The following MFHAS1 variants were observed in gnomAD, a reference collection of about 807,000 sequenced individuals.
The protein encoded by MFHAS1 is multifunctional ROCO family signaling regulator 1, also known as malignant fibrous histiocytoma-amplified sequence 1.
A neutral mutation model predicts 70.4 loss-of-function variants in MFHAS1; 50 were observed. The observed-to-expected ratio is 0.71, with a 90% CI of 0.57 to 0.90. The LOEUF (loss-of-function observed/expected upper bound fraction) is 0.90. Among genes scored for constraint, MFHAS1 ranks in the 40% least tolerant of loss-of-function variants. The pLI is 0.00. For missense variants in MFHAS1, 1,795 were observed against 1,347.6 expected (o/e 1.33, Z -5.20); for synonymous variants, 952 against 620.0 (o/e 1.54, Z -7.96).
chr8:8,875,254 C>T (rs1809246002), intron 1 of MFHAS1, among the ~76,000 whole-genome samples: 1 of 152,066 alleles, frequency 6.6e-6, no homozygotes, highest in Non-Finnish European at 1.5e-5. Context: ...TAAAGAAATA[C>T]AGTCATCAGA....
intron 1 of MFHAS1, among the ~76,000 whole-genome samples, chr8:8,856,794 T>G (rs1186185530): frequency 2.0e-5 from 3 of 152,080 alleles, no homozygotes; most frequent in Non-Finnish European, 4.4e-5. Flanking sequence ...TTCAAGCCCA[T>G]GAGCCAGATT....
rs1563223033 is a variant in MFHAS1 at position 8,890,052 on chromosome 8, T to G, written c.2998+9A>C. 6.3e-6 allele frequency: 10 copies of G among 1,576,288 alleles called. No homozygotes were observed. Among genetic ancestry groups the G allele is most frequent in the Non-Finnish European group, 8.6e-6 (10 of 1,156,744 alleles). ...TACCACAGAAGAACTTCTCCCTCTC[T>G]CCACTTACCTGGAAAAGCATGTGGA... On this transcript the variant is annotated intron_variant, in intron 1 of 2. Transcript: ENST00000276282.
At chr8:8,820,840 T>C (rs1454198808) in intron 1 of MFHAS1, among the ~76,000 whole-genome samples, 1 of 152,198 alleles carries the variant, frequency 6.6e-6, no homozygotes, top group Non-Finnish European at 1.5e-5. Flanking sequence ...TGTGCTGCCA[T>C]TTGCATCGTG....
chr8:8,883,331 C>T (rs572661181), intron 1 of MFHAS1, among the ~76,000 whole-genome samples: 1 of 152,256 alleles, frequency 6.6e-6, no homozygotes, highest in Middle Eastern at 3.4e-3. Context: ...CACCCACCCG[C>T]TGGTTTTCAA....
In MFHAS1 at chr8:8,890,716, C is replaced by G. The variant is rs762692803; in HGVS notation, c.2343G>C (p.Arg781=). 6.2e-7 allele frequency: 1 copy of G among 1,613,686 alleles called. No homozygotes were observed. Among genetic ancestry groups the G allele is most frequent in the Non-Finnish European group, 8.5e-7 (1 of 1,179,782 alleles). Residue 781 remains arginine, a synonymous_variant, in exon 1 of 3, where the codon CGG becomes CGC. Transcript: ENST00000276282. The part of the protein sequence containing the change: ...ARSTPSQELL[R]ATQLHQYVEG... Reference sequence around the variant, plus strand: ...CCACATACTGATGGAGCTGGGTGGCCCGGAGCAGTTCCTGGCTGGGGGTGG... The same window carrying G: ...CCACATACTGATGGAGCTGGGTGGCGCGGAGCAGTTCCTGGCTGGGGGTGG...
At chr8:8,885,533 G>A (rs1809720901) in intron 1 of MFHAS1, among the ~76,000 whole-genome samples, 1 of 152,126 alleles carries the variant, frequency 6.6e-6, no homozygotes, top group African/African-American at 2.4e-5. Flanking sequence ...TGAGTTTAGA[G>A]GTCATACTGG....
In MFHAS1 at chr8:8,892,023, C is replaced by T. The variant is rs1245970042; in HGVS notation, c.1036G>A (p.Glu346Lys). The T allele has an allele frequency of 6.2e-7, 1 of 1,613,574 alleles. No individual in the cohort carries two copies. Among genetic ancestry groups the T allele is most frequent in the Admixed American group, 1.7e-5 (1 of 60,020 alleles). Residue 346 changes from glutamate (E) to lysine (K), a missense_variant, in exon 1 of 3, where the codon GAG becomes AAG. Coordinates refer to ENST00000276282, the MANE Select transcript of MFHAS1 (RefSeq NM_004225.3). This position sits in a 1 kb window ranked among gnomAD's most constrained non-coding sequence, Gnocchi z 4.7. ...DSIVELTGLE[E>K]LVLQGNQIAV... ...ATCTGGTTCCCCTGCAGCACGAGCTCCTCCAGGCCGGTCAGCTCCACGATG... is the reference window on the plus strand; with the variant it reads ...ATCTGGTTCCCCTGCAGCACGAGCTTCTCCAGGCCGGTCAGCTCCACGATG...
intron 1 of MFHAS1, among the ~76,000 whole-genome samples, chr8:8,850,733 G>C (rs1043145147): frequency 6.7e-6 from 1 of 149,798 alleles, no homozygotes; most frequent in Non-Finnish European, 1.5e-5. Flanking sequence ...GCTGAAGCAG[G>C]AGAATCGCTT....
intron 1 of MFHAS1, among the ~76,000 whole-genome samples, chr8:8,852,245 G>A (rs973885149): frequency 2.0e-5 from 3 of 152,120 alleles, no homozygotes; most frequent in Non-Finnish European, 2.9e-5. Flanking sequence ...AAGCCGAGGC[G>A]GGCAGATCAC....
At chr8:8,802,726 T>TGG (rs1288257826) in intron 1 of MFHAS1, among the ~76,000 whole-genome samples, 1 of 152,174 alleles carries the variant, frequency 6.6e-6, no homozygotes, top group South Asian at 2.1e-4. Context: ...GGCAGGGGAC[T>TGG]GTCCTCTGGG....
At chr8:8,859,497 T>C (rs332034) in intron 1 of MFHAS1, among the ~76,000 whole-genome samples, 26,285 of 152,174 alleles carry the variant, frequency 0.17, 2,783 homozygotes, top group African/African-American at 0.3. Flanking sequence ...GCTGGTCTAC[T>C]TATATGACAG....
intron 1 of MFHAS1, among the ~76,000 whole-genome samples, chr8:8,856,818 T>C (rs1808456927): frequency 1.3e-5 from 2 of 152,080 alleles, no homozygotes; most frequent in African/African-American, 4.8e-5. Context: ...GTCACCGGCA[T>C]GTATCAGTTT....
intron 1 of MFHAS1, among the ~76,000 whole-genome samples, chr8:8,820,084 G>C (rs570288258): frequency 1.1e-4 from 16 of 152,240 alleles, no homozygotes; most frequent in South Asian, 4.1e-4. Flanking sequence ...CCCCAGAACA[G>C]CTCTCTCACA....
At chr8:8,850,952 ATAT>A (rs534204154) in intron 1 of MFHAS1, among the ~76,000 whole-genome samples, 1 of 152,138 alleles carries the variant, frequency 6.6e-6, no homozygotes, top group Admixed American at 6.5e-5. Flanking sequence ...AGCAGGTTCC[ATAT>A]TCACCCCATA....
intron 1 of MFHAS1, among the ~76,000 whole-genome samples, chr8:8,875,822 C>A (rs565287210): frequency 6.6e-6 from 1 of 152,074 alleles, no homozygotes; most frequent in Non-Finnish European, 1.5e-5. Context: ...CTCGTGACCT[C>A]GTGATCCGCC....
At chr8:8,826,587 G>C (rs978286079) in intron 1 of MFHAS1, among the ~76,000 whole-genome samples, 6 of 152,186 alleles carry the variant, frequency 3.9e-5, no homozygotes, top group African/African-American at 1.4e-4. Flanking sequence ...ACAAAAATTA[G>C]CCGAGCGTGG....
intron 1 of MFHAS1, among the ~76,000 whole-genome samples, chr8:8,857,507 C>T (rs1469960993): frequency 6.6e-6 from 1 of 151,988 alleles, no homozygotes; most frequent in East Asian, 1.9e-4. Flanking sequence ...GCCTGTAATC[C>T]CAGCACTTTG....
At chr8:8,789,538 G>C (rs575663385) in intron 2 of MFHAS1, among the ~76,000 whole-genome samples, 2 of 152,284 alleles carry the variant, frequency 1.3e-5, no homozygotes, top group East Asian at 3.9e-4. Flanking sequence ...CTTCCAGGAT[G>C]CAACAAAGAA....
intron 1 of MFHAS1, among the ~76,000 whole-genome samples, chr8:8,846,684 C>T (rs1243985409): frequency 2.6e-5 from 4 of 152,046 alleles, no homozygotes; most frequent in Non-Finnish European, 5.9e-5. Flanking sequence ...TGTCTCGGGG[C>T]CTCTGCACTT....
Sources: gnomAD v4.1 joint callset for allele counts (sites outside exome capture counted in the v4.1 genomes callset) on GRCh38, gnomAD v4.1.1 for gene constraint, Gnocchi (gnomAD v3.1) non-coding constraint, MANE v1.5 for transcripts, NCBI Gene and HGNC (gene_info 2026-07-23, HGNC 2026-07-21) for gene names.